Variants in CTNNA3 observed in about 807,000 individuals in gnomAD.
The protein encoded by CTNNA3 is catenin alpha 3.
A neutral mutation model predicts 95.7 loss-of-function variants in CTNNA3; 76 were observed. The ratio of observed to expected loss-of-function variants is 0.79; its 90% CI spans 0.66 to 0.96. The LOEUF (loss-of-function observed/expected upper bound fraction) is 0.96. Ranked by LOEUF, CTNNA3 falls within the 40% of genes least tolerant of loss-of-function variation. The pLI, the probability that CTNNA3 is intolerant of heterozygous loss-of-function variation, is 0.00. For synonymous variants in CTNNA3, 431 were observed against 374.4 expected, an observed-to-expected ratio of 1.15 and a Z score of -1.74; for missense variants, 1,191 against 1,089.8, an observed-to-expected ratio of 1.09 and a Z score of -1.31.
intron 1 of CTNNA3, among the ~76,000 whole-genome samples, chr10:67,676,932 G>A (rs560325443): frequency 6.6e-6 from 1 of 152,162 alleles, no homozygotes; most frequent in South Asian, 2.1e-4. Flanking sequence ...CTAGTTTAAG[G>A]GTCTTTGGTG....
chr10:66,924,301 T>C (rs1846947315), intron 7 of CTNNA3, among the ~76,000 whole-genome samples: 1 of 152,232 alleles, frequency 6.6e-6, no homozygotes, highest in African/African-American at 2.4e-5. Context: ...TTGTCATTAC[T>C]AGCCTTTATC....
At chr10:67,305,327 C>T (rs531055178) in intron 5 of CTNNA3, among the ~76,000 whole-genome samples, 16 of 142,816 alleles carry the variant, frequency 1.1e-4, no homozygotes, top group Admixed American at 5.1e-4. Context: ...AACTAACCTG[C>T]GCAATGTGCA....
intron 13 of CTNNA3, among the ~76,000 whole-genome samples, chr10:66,275,559 T>C (rs933170093): frequency 5.9e-5 from 9 of 152,224 alleles, no homozygotes; most frequent in Non-Finnish European, 1.2e-4. Context: ...GATGACATCA[T>C]GTAAAGTAAA....
At chr10:66,803,740 T>A (rs547237042) in intron 7 of CTNNA3, among the ~76,000 whole-genome samples, 2 of 152,194 alleles carry the variant, frequency 1.3e-5, no homozygotes, top group East Asian at 3.9e-4. Flanking sequence ...ACAAAGCTAG[T>A]GTACTGAATA....
intron 10 of CTNNA3, among the ~76,000 whole-genome samples, chr10:66,554,755 T>C (rs1484068049): frequency 2.0e-5 from 3 of 152,106 alleles, no homozygotes; most frequent in African/African-American, 2.4e-5. Flanking sequence ...ATTTTGTCTT[T>C]TTATCTCATT....
At chr10:66,477,576 C>T (rs1198033986) in intron 11 of CTNNA3, among the ~76,000 whole-genome samples, 2 of 151,944 alleles carry the variant, frequency 1.3e-5, no homozygotes, top group South Asian at 2.1e-4. Flanking sequence ...AAACACATAT[C>T]GTATTGTAAT....
chr10:67,720,077 A>G (rs1006812015), intron 1 of CTNNA3, among the ~76,000 whole-genome samples: 2 of 94,750 alleles, frequency 2.1e-5, no homozygotes, highest in Non-Finnish European at 4.4e-5. Context: ...TCTTTTTCGT[A>G]TTTTTATTGG....
At chr10:67,310,085 A>G (rs1840723494) in intron 5 of CTNNA3, among the ~76,000 whole-genome samples, 5 of 152,212 alleles carry the variant, frequency 3.3e-5, no homozygotes, top group Admixed American at 3.3e-4. Context: ...TGCACAGTTC[A>G]GAGTGATAGA....
intron 5 of CTNNA3, among the ~76,000 whole-genome samples, chr10:67,510,939 A>C (rs1839606023): frequency 6.6e-6 from 1 of 152,036 alleles, no homozygotes; most frequent in Non-Finnish European, 1.5e-5. Context: ...TAGGAATTTT[A>C]TTCTCTTTGT....
At chr10:66,331,985 G>A (rs150355988) in intron 12 of CTNNA3, among the ~76,000 whole-genome samples, 7,106 of 151,748 alleles carry the variant, frequency 0.047, 261 homozygotes, top group Non-Finnish European at 0.062. Flanking sequence ...GGATTCCTAG[G>A]TATTTTATTC....
At chr10:66,813,381 C>T (rs1841956157) in intron 7 of CTNNA3, among the ~76,000 whole-genome samples, 1 of 152,156 alleles carries the variant, frequency 6.6e-6, no homozygotes, top group Non-Finnish European at 1.5e-5. Context: ...CAGGCGTCTA[C>T]TCAATTTGTG....
chr10:66,926,879 T>C (rs1847110070), intron 7 of CTNNA3: 9 of 1,509,310 alleles, frequency 6.0e-6, no homozygotes, highest in African/African-American at 1.4e-5. Flanking sequence ...GGATTAATTC[T>C]TTTTTGGGGG....
chr10:66,480,927 C>T (rs895125775), intron 11 of CTNNA3, among the ~76,000 whole-genome samples: 1 of 152,038 alleles, frequency 6.6e-6, no homozygotes, highest in African/African-American at 2.4e-5. Flanking sequence ...TCTAAGTATA[C>T]TTAAGTATTA....
chr10:67,065,466 A>G (rs1438151029), intron 7 of CTNNA3, among the ~76,000 whole-genome samples: 1 of 152,198 alleles, frequency 6.6e-6, no homozygotes, highest in Non-Finnish European at 1.5e-5. Flanking sequence ...TAAAATAAAT[A>G]TTGAAAAGTA....
chr10:65,947,817 T>C (rs562330978), intron 17 of CTNNA3, among the ~76,000 whole-genome samples: 2 of 152,256 alleles, frequency 1.3e-5, no homozygotes, highest in African/African-American at 4.8e-5. Flanking sequence ...CGTTTTTCAA[T>C]CATATTCATT....
At chr10:66,490,634 C>T (rs920009594) in intron 11 of CTNNA3, among the ~76,000 whole-genome samples, 1 of 152,268 alleles carries the variant, frequency 6.6e-6, no homozygotes, top group East Asian at 1.9e-4. Context: ...ATCATTAGGG[C>T]AGTTCTCAAA....
At chr10:67,694,684 T>C (rs1342040640) in intron 1 of CTNNA3, among the ~76,000 whole-genome samples, 4 of 152,088 alleles carry the variant, frequency 2.6e-5, no homozygotes. Flanking sequence ...AATGTTTTGG[T>C]ATATGGTTAA....
At chr10:67,593,806 G>A (rs1842854632) in intron 3 of CTNNA3, among the ~76,000 whole-genome samples, 1 of 152,090 alleles carries the variant, frequency 6.6e-6, no homozygotes. Context: ...TTGAATAGGA[G>A]TGATGAGGGT....
At chr10:67,088,835 C>A (rs1857455840) in intron 7 of CTNNA3, among the ~76,000 whole-genome samples, 1 of 151,976 alleles carries the variant, frequency 6.6e-6, no homozygotes, top group Non-Finnish European at 1.5e-5. Flanking sequence ...GCCTTATTAT[C>A]CTATACTGTC....
Sources: gnomAD v4.1 joint callset for allele counts (sites outside exome capture counted in the v4.1 genomes callset) on GRCh38, gnomAD v4.1.1 for gene constraint, MANE v1.5 for transcripts, NCBI Gene and HGNC (gene_info 2026-07-23, HGNC 2026-07-21) for gene names.